Variants in PGD observed in about 807,000 individuals in gnomAD.
The protein encoded by PGD is 6-phosphogluconate dehydrogenase, decarboxylating.
A neutral mutation model predicts 60.4 loss-of-function variants in PGD; 21 were observed. That is an observed-to-expected ratio of 0.35 (90% confidence interval 0.25 to 0.50). The LOEUF is 0.50. PGD is among the 20% of genes least tolerant of loss of function. PGD has a pLI of 0.98. For synonymous variants in PGD, 230 were observed against 235.9 expected (o/e 0.97, Z 0.23); for missense variants, 477 against 613.1 (o/e 0.78, Z 2.34).
Position 10,418,542 on chromosome 1 carries a change from C to T in PGD, c.1110-284C>T, listed in dbSNP as rs553171707. 1.8e-3 allele frequency among the ~76,000 whole-genome samples: 280 copies of T among 152,048 alleles called. No homozygotes were observed. The Middle Eastern group carries it at 0.034, about 18-fold the overall frequency. On this transcript the variant is annotated intron_variant, in intron 10 of 12. Coordinates refer to ENST00000270776, the MANE Select transcript of PGD (RefSeq NM_002631.4). Reference sequence around the variant, plus strand: ...CTGTAATCCCAGCGTTTTGGGAGGCCGAGGCAGGCGGATCACGAGGTCAGG... The same window carrying T: ...CTGTAATCCCAGCGTTTTGGGAGGCTGAGGCAGGCGGATCACGAGGTCAGG...
rs1639437856 is a variant in PGD at position 10,408,072 on chromosome 1, C to CCCCA, written c.453_456dup (p.Ile153ProfsTer21). The CCCCA allele has an allele frequency of 1.3e-6, 2 of 1,592,084 alleles. No homozygotes were observed. Among genetic ancestry groups the CCCCA allele is most frequent in the African/African-American group, 1.3e-5 (1 of 74,494 alleles). On this transcript the variant is annotated frameshift_variant and splice_region_variant, in exon 6 of 13. Transcript: ENST00000270776. LOFTEE classifies it high-confidence loss of function. ...GAACCACACTGTTTCTTTACACAGG[C>CCCCA]CCCACATCAAGACCATCTTCCAAGG...
In PGD at chr1:10,419,651, G is replaced by A. The variant is rs1166432902; in HGVS notation, c.1354G>A (p.Ala452Thr). Residue 452 changes from alanine to threonine, a missense_variant, in exon 13 of 13, where the codon GCT becomes ACT. This residue lies in a region of PGD where 44 missense variants were observed against 40.3 expected (regional missense o/e 1.09). Coordinates refer to ENST00000270776, the MANE Select transcript of PGD (RefSeq NM_002631.4). ...LIQAQRDYFG[A>T]HTYELLAKPG... ...CTAGGCTCAGCGGGATTACTTCGGG[G>A]CTCACACCTATGAACTCTTGGCCAA... 3 of 1,614,196 alleles carry A rather than the reference G, an allele frequency of 1.9e-6. No homozygotes were observed. The highest frequency in any genetic ancestry group is 2.2e-5 in the East Asian group (1 of 44,884).
chr1:10,411,310 G>T, intron 6 of PGD, 108 bp from the exon 7 acceptor site: 7 of 1,187,996 alleles, frequency 5.9e-6, no homozygotes, highest in Middle Eastern at 2.9e-4. Flanking sequence ...GTTATTTTTT[G>T]TGTGGAGAGG....
At chr1:10,416,959 G>C in intron 8 of PGD, 28 bp from the exon 9 acceptor site, 5 of 1,609,774 alleles carry the variant, frequency 3.1e-6, no homozygotes, top group Non-Finnish European at 4.2e-6. Flanking sequence ...ACAGTAATCT[G>C]TTTCCTCTTC....
Position 10,413,229 on chromosome 1 carries a change from C to T in PGD, c.822C>T (p.Tyr274=), listed in dbSNP as rs200238924. 1.4e-5 allele frequency: 22 copies of T among 1,614,030 alleles called. No homozygotes were observed. Among genetic ancestry groups the T allele is most frequent in the Middle Eastern group, 1.6e-4 (1 of 6,062 alleles). Residue 274 remains tyrosine (Y), a synonymous_variant, in exon 8 of 13, where the codon TAC becomes TAT. Transcript: ENST00000270776. Reference sequence around the variant, plus strand: ...GGACCGCCATCTCCGCCCTGGAATACGGCGTACCCGTCACCCTCATTGGTA... The same window carrying T: ...GGACCGCCATCTCCGCCCTGGAATATGGCGTACCCGTCACCCTCATTGGTA... ...GKWTAISALE[Y]GVPVTLIGEA...
At chr1:10,411,323 G>A in intron 6 of PGD, 95 bp from the exon 7 acceptor site, 1 of 1,387,500 alleles carries the variant, frequency 7.2e-7, no homozygotes, top group Non-Finnish European at 1.0e-6. Context: ...TGGAGAGGTA[G>A]CCTTGCCAGG....
At position 10,408,913 on chromosome 1, in the gene PGD, G is replaced by C. The variant is rs149556341; in HGVS notation, c.519+773G>C. On this transcript the variant is annotated intron_variant, in intron 6 of 12. Coordinates refer to ENST00000270776, the MANE Select transcript of PGD (RefSeq NM_002631.4). ...GGCATGCGCCACCATGCCCGGCCTC[G>C]TGTTGCTGTTAAAGTAAACTTTATC... 7.3e-3 allele frequency among the ~76,000 whole-genome samples: 1,110 copies of C among 152,194 alleles called. 12 individuals carry two copies. The highest frequency in any genetic ancestry group is 0.025 in the African/African-American group (1,049 of 41,520).
chr1:10,400,090 A>G, intron 2 of PGD: 3 of 462,878 alleles, frequency 6.5e-6, no homozygotes, highest in Non-Finnish European at 1.2e-5. Flanking sequence ...ATGATCAATA[A>G]CAACAGATAG....
chr1:10,416,930 G>C, intron 8 of PGD, 57 bp from the exon 9 acceptor site: 1 of 1,581,482 alleles, frequency 6.3e-7, no homozygotes, highest in Non-Finnish European at 8.6e-7. Context: ...TGATAGTTTA[G>C]CTTGGGCTCA....
At chr1:10,411,140 G>T (rs1639492770) in intron 6 of PGD, among the ~76,000 whole-genome samples, 1 of 152,092 alleles carries the variant, frequency 6.6e-6, no homozygotes, top group African/African-American at 2.4e-5. Context: ...GAAAATACAG[G>T]CTAGAGAGCC....
intron 5 of PGD, among the ~76,000 whole-genome samples, chr1:10,406,892 G>T (rs1211301839): frequency 1.3e-5 from 2 of 152,172 alleles, no homozygotes; most frequent in African/African-American, 4.8e-5. Context: ...ATGAAAGAGG[G>T]TCTCTTCACT....
intron 1 of PGD, 192 bp from the exon 2 acceptor site, chr1:10,399,437 G>T: frequency 2.1e-6 from 1 of 470,980 alleles, no homozygotes; most frequent in East Asian, 3.7e-5. Context: ...AGCCGGGCGC[G>T]AGGGCGGGGC....
chr1:10,408,913 G>T (rs149556341), intron 6 of PGD, among the ~76,000 whole-genome samples: 2 of 152,080 alleles, frequency 1.3e-5, no homozygotes, highest in African/African-American at 4.8e-5. Flanking sequence ...GCCCGGCCTC[G>T]TGTTGCTGTT....
intron 5 of PGD, among the ~76,000 whole-genome samples, chr1:10,407,078 G>A (rs1455614353): frequency 6.6e-6 from 1 of 152,204 alleles, no homozygotes; most frequent in Admixed American, 6.5e-5. Context: ...TCAAGAGGCT[G>A]AGGTGGGAGG....
chr1:10,403,807 G>A (rs553578721), intron 4 of PGD, among the ~76,000 whole-genome samples: 1 of 152,284 alleles, frequency 6.6e-6, no homozygotes, highest in Non-Finnish European at 1.5e-5. Context: ...GCTCTGAAGT[G>A]CTGAATGGCA....
intron 6 of PGD, among the ~76,000 whole-genome samples, chr1:10,411,173 G>A (rs562067467): frequency 6.6e-6 from 1 of 152,126 alleles, no homozygotes; most frequent in Non-Finnish European, 1.5e-5. Context: ...AGTGAATTCA[G>A]GGACTTTGAG....
chr1:10,399,564 AC>A, intron 1 of PGD, 64 bp from the exon 2 acceptor site: 4 of 1,404,888 alleles, frequency 2.8e-6, no homozygotes, highest in Non-Finnish European at 4.0e-6. Flanking sequence ...GAAGGACCGG[AC>A]CCCTGGGTTG....
chr1:10,411,942 AG>A (rs1639507526), intron 7 of PGD, among the ~76,000 whole-genome samples: 1 of 152,210 alleles, frequency 6.6e-6, no homozygotes, highest in Non-Finnish European at 1.5e-5. Flanking sequence ...GGGAAGCTGA[AG>A]CATTTCCCCC....
chr1:10,405,455 T>C (rs1402881376), intron 5 of PGD, among the ~76,000 whole-genome samples: 1 of 149,674 alleles, frequency 6.7e-6, no homozygotes, highest in Non-Finnish European at 1.5e-5. Context: ...GGCAATCCGA[T>C]ATATATATAA....
Sources: allele counts gnomAD v4.1 joint callset (sites outside exome capture counted in the v4.1 genomes callset), GRCh38; gene constraint gnomAD v4.1.1; regional missense constraint gnomAD v4.1.1; transcripts MANE v1.5; gene names NCBI Gene and HGNC (gene_info 2026-07-23, HGNC 2026-07-21).